Variants in TGIF1 observed in about 807,000 individuals in gnomAD.
TGIF1 encodes homeobox protein TGIF1.
A neutral mutation model predicts 19.3 loss-of-function variants in TGIF1; 4 were observed. The observed-to-expected ratio is 0.21, with a 90% confidence interval of 0.10 to 0.47. The LOEUF (loss-of-function observed/expected upper bound fraction) is 0.47. Ranked by LOEUF, TGIF1 falls within the 20% of genes least tolerant of loss-of-function variation. The pLI is 0.98. For synonymous variants in TGIF1, 122 were observed against 129.3 expected (o/e 0.94, Z 0.38); for missense variants, 275 against 341.4 (o/e 0.81, Z 1.53).
upstream of TGIF1, among the ~76,000 whole-genome samples, chr18:3,446,046 T>TA (rs900806126): frequency 1.3e-5 from 2 of 152,008 alleles, no homozygotes; most frequent in East Asian, 1.9e-4. Flanking sequence ...CTTGACTTTT[T>TA]AAAAAAAATA....
chr18:3,457,895 C>G lies in TGIF1; in HGVS notation c.774C>G (p.Leu258=). The change falls in exon 3 of 3, where the codon CTC becomes CTG. Residue 258 remains leucine, a synonymous_variant. Transcript: ENST00000343820. The surrounding 1 kb of genome is among the most constrained non-coding windows in gnomAD (Gnocchi z 4.9). ...SGFQLLVDVA[L]KRAAEMELQA... ...TTCAGCTTCTAGTGGATGTTGCACT[C>G]AAACGGGCTGCAGAGATGGAGCTTC... 2 of 1,602,666 alleles carry G rather than the reference C, an allele frequency of 1.2e-6. No individual in the cohort carries two copies. Among genetic ancestry groups the G allele is most frequent in the Non-Finnish European group, 8.5e-7 (1 of 1,179,984 alleles).
chr18:3,448,702 T>G, upstream of TGIF1: 5 of 751,900 alleles, frequency 6.6e-6, no homozygotes, highest in Non-Finnish European at 8.0e-6. Flanking sequence ...CCACGCATTC[T>G]AGGGGCGGGG....
In TGIF1 at chr18:3,456,487, TC is replaced by T; in HGVS notation, c.151del (p.Arg51GlyfsTer48). ...TACCCAAGGAGTCTGTGCAGATTCTTCGGGATTGGCTGTATGAGCACCGTTA... is the reference window on the plus strand; with the variant it reads ...TACCCAAGGAGTCTGTGCAGATTCTTGGGATTGGCTGTATGAGCACCGTTA... ...NLPKESVQILRDWLYEHRYNA... is the reference protein window; with the variant it reads ...NLPKESVQILXDWLYEHRYNA... On this transcript the variant is annotated frameshift_variant, in exon 2 of 3. Transcript: ENST00000343820. LOFTEE classifies it high-confidence loss of function. This position sits in a 1 kb window ranked among gnomAD's most constrained non-coding sequence, Gnocchi z 4.2. 6.2e-7 allele frequency: 1 copy of T among 1,614,244 alleles called. No homozygotes were observed. Among genetic ancestry groups the T allele is most frequent in the Non-Finnish European group, 8.5e-7 (1 of 1,180,056 alleles).
At chr18:3,449,591 C>G, upstream of TGIF1, 1 of 984,276 alleles carries the variant, frequency 1.0e-6, no homozygotes, top group Non-Finnish European at 1.2e-6. Context: ...GAGGAAGAGC[C>G]CCGGGAGGAG....
At chr18:3,413,079 G>C (rs1343570842) in intron 1 of TGIF1, 1 of 152,152 alleles carries the variant, frequency 6.6e-6, no homozygotes, top group Non-Finnish European at 1.5e-5. Flanking sequence ...ATGTCCCTTG[G>C]TGAATTCAGA....
chr18:3,423,535 G>A (rs1277687857), intron 2 of TGIF1, among the ~76,000 whole-genome samples: 3 of 152,016 alleles, frequency 2.0e-5, no homozygotes, highest in Non-Finnish European at 4.4e-5. Context: ...CAAAAAATTA[G>A]CCGGGCTTGG....
chr18:3,419,686 A>AT (rs2082376007), intron 2 of TGIF1, among the ~76,000 whole-genome samples: 2 of 152,220 alleles, frequency 1.3e-5, no homozygotes, highest in Admixed American at 6.5e-5. Flanking sequence ...TATATGCTCC[A>AT]TATAAAAATT....
intron 1 of TGIF1, among the ~76,000 whole-genome samples, chr18:3,414,858 A>C (rs1483312477): frequency 6.6e-6 from 1 of 152,146 alleles, no homozygotes; most frequent in Non-Finnish European, 1.5e-5. Context: ...AGCCTGGGAA[A>C]AGTAAAGAGA....
chr18:3,432,377 C>T (rs904460871), intron 2 of TGIF1, among the ~76,000 whole-genome samples: 3 of 152,034 alleles, frequency 2.0e-5, no homozygotes, highest in Admixed American at 6.6e-5. Flanking sequence ...GATCCTACAT[C>T]GGATCTTAGT....
rs919273552 is a variant in TGIF1, at chr18:3,453,820, C to T, written c.17-2534C>T. 3 of 985,152 alleles carry T rather than the reference C, an allele frequency of 3.0e-6. No homozygotes were observed. In the African/African-American group the frequency reaches 5.2e-5, roughly 17 times the overall value. 61.0% of individuals were successfully genotyped at this position (985,152 alleles called of 1,614,324 possible). ...GATAGCGTGAAAGAAGCTTGTGATC[C>T]TGCCCCCACCCTCCCCACCGCCACA... On this transcript the variant is annotated intron_variant, in intron 1 of 2. Coordinates refer to ENST00000343820, the MANE Select transcript of TGIF1 (RefSeq NM_003244.4).
chr18:3,412,167 G>T (rs945921010), exon 1 of TGIF1: 3 of 152,084 alleles, frequency 2.0e-5, no homozygotes, highest in South Asian at 2.0e-4. Context: ...CCGCGGTTCC[G>T]GCCCCGCCGC....
At chr18:3,414,347 T>C (rs2143098986) in intron 1 of TGIF1, among the ~76,000 whole-genome samples, 1 of 152,308 alleles carries the variant, frequency 6.6e-6, no homozygotes, top group Middle Eastern at 3.4e-3. Flanking sequence ...GAATTGATAT[T>C]CTCATTTACA....
chr18:3,451,822 G>C lies in TGIF1; in HGVS notation c.16+1317G>C, dbSNP rs990281350. 11 of 1,322,942 alleles carry C rather than the reference G, an allele frequency of 8.3e-6. No individual in the cohort carries two copies. The highest frequency in any genetic ancestry group is 2.9e-4 in the Middle Eastern group (1 of 3,478). 82.0% of individuals were successfully genotyped at this position (1,322,942 alleles called of 1,614,324 possible). A position where few individuals can be genotyped will look rare whatever the true frequency, so the allele number is the denominator to read the frequency against. On this transcript the variant is annotated intron_variant, in intron 1 of 2. Coordinates refer to ENST00000343820, the MANE Select transcript of TGIF1 (RefSeq NM_003244.4). This position sits in a 1 kb window ranked among gnomAD's most constrained non-coding sequence, Gnocchi z 5.4. The stretch of plus-strand genomic sequence containing the variant: ...TCCCCGCGGGACGGAGGGAGGACTC[G>C]GGACAGGGAATTGGCCCTGGGAGAA...
upstream of TGIF1, among the ~76,000 whole-genome samples, chr18:3,449,161 G>A (rs2082817805): frequency 6.6e-6 from 1 of 152,162 alleles, no homozygotes; most frequent in African/African-American, 2.4e-5. Context: ...CCTAACTGTG[G>A]ACCAAAATAA....
chr18:3,434,036 C>G (rs190036889), intron 2 of TGIF1, among the ~76,000 whole-genome samples: 2 of 152,296 alleles, frequency 1.3e-5, no homozygotes, highest in East Asian at 3.9e-4. Flanking sequence ...GGAACAGCCT[C>G]CTTCCCTACC....
chr18:3,428,012 C>G (rs1235543962), intron 2 of TGIF1, among the ~76,000 whole-genome samples: 1 of 152,166 alleles, frequency 6.6e-6, no homozygotes. Flanking sequence ...TTCAGGTGGC[C>G]CATGAGGTTA....
intron 1 of TGIF1, among the ~76,000 whole-genome samples, chr18:3,413,269 G>A (rs1457916771): frequency 6.6e-6 from 1 of 152,134 alleles, no homozygotes; most frequent in Non-Finnish European, 1.5e-5. Flanking sequence ...ATGGGAACAT[G>A]GCTTATGAAT....
Position 3,456,177 on chromosome 18 carries a change from G to C in TGIF1, c.17-177G>C, listed in dbSNP as rs1314609346. The C allele has an allele frequency of 2.7e-6, 2 of 736,932 alleles. No homozygotes were observed. The highest frequency in any genetic ancestry group is 3.4e-5 in the African/African-American group (2 of 58,564). The allele number at this position is 736,932 out of a possible 1,614,324, so 45.6% of individuals were successfully genotyped here. ...CATTTGGTTGAGAGCCTCCTATGTG[G>C]TGCTAGTCAAACTACTTTTACTTGG... On this transcript the variant is annotated intron_variant, in intron 1 of 2. Transcript: ENST00000343820. This position sits in a 1 kb window ranked among gnomAD's most constrained non-coding sequence, Gnocchi z 4.2.
intron 1 of TGIF1, among the ~76,000 whole-genome samples, chr18:3,452,772 C>G (rs774238292): frequency 5.9e-5 from 9 of 152,204 alleles, no homozygotes; most frequent in Non-Finnish European, 1.3e-4. Flanking sequence ...GCCCTCCTTA[C>G]TGTCTTGTCT....
Sources: gnomAD v4.1 joint callset for allele counts (sites outside exome capture counted in the v4.1 genomes callset) on GRCh38, gnomAD v4.1.1 for gene constraint, Gnocchi (gnomAD v3.1) non-coding constraint, MANE v1.5 for transcripts, NCBI Gene and HGNC (gene_info 2026-07-23, HGNC 2026-07-21) for gene names.